SP100: variants seen among roughly 807,000 people sequenced by gnomAD.
The protein encoded by SP100 is nuclear autoantigen Sp-100.
In SP100, 84 loss-of-function variants were observed where a neutral mutation model predicts 130.0. The observed-to-expected ratio is 0.65, with a 90% CI of 0.54 to 0.77. The LOEUF is 0.77. SP100 is among the 30% of genes least tolerant of loss of function. SP100 has a pLI of 0.00. For synonymous variants in SP100, 331 were observed against 351.7 expected, an observed-to-expected ratio of 0.94 and a Z score of 0.66; for missense variants, 978 against 1,052.2, an observed-to-expected ratio of 0.93 and a Z score of 0.97.
intron 24 of SP100, among the ~76,000 whole-genome samples, chr2:230,531,690 T>G (rs1691712695): frequency 6.6e-6 from 1 of 152,220 alleles, no homozygotes; most frequent in African/African-American, 2.4e-5. Flanking sequence ...CTTCACATTC[T>G]ATCTGCAATT....
chr2:230,515,103 TAAG>T (rs775631581), intron 24 of SP100: 20 of 1,612,876 alleles, frequency 1.2e-5, no homozygotes, highest in Non-Finnish European at 1.6e-5. Flanking sequence ...AGGAGGAGCA[TAAG>T]AAGAAGAACC....
Position 230,462,453 on chromosome 2 carries a change from C to T in SP100, c.992C>T (p.Ser331Phe). 1 of 1,613,848 alleles carries T rather than the reference C, an allele frequency of 6.2e-7. No homozygotes were observed. The highest frequency in any genetic ancestry group is 8.5e-7 in the Non-Finnish European group (1 of 1,179,820). ...TGTGCAGTCATCAGCAGTGAGGACT[C>T]TGAAGGATCCACTGACGTTGATGAG... ...SDIIVISSED[S>F]EGSTDVDEPL... Residue 331 changes from serine (S) to phenylalanine (F), a missense_variant, in exon 10 of 29, where the codon TCT (serine) becomes TTT (phenylalanine). Ser to Phe is a radical substitution (Grantham distance 155). Coordinates refer to ENST00000340126, the MANE Select transcript of SP100 (RefSeq NM_001080391.2).
intron 14 of SP100, chr2:230,469,325 G>GATAAA (rs2065146114): frequency 1.9e-6 from 1 of 531,106 alleles, no homozygotes; most frequent in Non-Finnish European, 3.5e-6. Context: ...ACATAAATAG[G>GATAAA]ATAAAGTAGT....
At chr2:230,424,051 A>T (rs2062849159) in intron 2 of SP100, among the ~76,000 whole-genome samples, 1 of 152,048 alleles carries the variant, frequency 6.6e-6, no homozygotes, top group Admixed American at 6.6e-5. Context: ...CAACACTAGG[A>T]TGATTGGGGA....
chr2:230,534,106 C>A (rs1411275521), intron 24 of SP100, among the ~76,000 whole-genome samples: 1 of 152,150 alleles, frequency 6.6e-6, no homozygotes, highest in Non-Finnish European at 1.5e-5. Context: ...TGAGTCTACT[C>A]CCTAGAAAAG....
intron 2 of SP100, among the ~76,000 whole-genome samples, chr2:230,432,724 T>A (rs1186562786): frequency 6.6e-6 from 1 of 152,196 alleles, no homozygotes; most frequent in Non-Finnish European, 1.5e-5. Flanking sequence ...CAGAATTCTT[T>A]ACATATCTGA....
At position 230,462,448 on chromosome 2, in the gene SP100, G is replaced by A. The variant is rs2064707735; in HGVS notation, c.987G>A (p.Glu329=). The A allele has an allele frequency of 6.2e-7, 1 of 1,613,378 alleles. No homozygotes were observed. Among genetic ancestry groups the A allele is most frequent in the Non-Finnish European group, 8.5e-7 (1 of 1,179,418 alleles). ...TCCTTTGTGCAGTCATCAGCAGTGAGGACTCTGAAGGATCCACTGACGTTG... is the reference window on the plus strand; with the variant it reads ...TCCTTTGTGCAGTCATCAGCAGTGAAGACTCTGAAGGATCCACTGACGTTG... ...QASDIIVISS[E]DSEGSTDVDE... Residue 329 remains glutamate, a synonymous_variant, in exon 10 of 29, where the codon GAG becomes GAA. Coordinates refer to ENST00000340126, the MANE Select transcript of SP100 (RefSeq NM_001080391.2).
intron 24 of SP100, among the ~76,000 whole-genome samples, chr2:230,536,052 G>C (rs1235441164): frequency 1.3e-5 from 2 of 151,964 alleles, no homozygotes; most frequent in African/African-American, 4.8e-5. Context: ...TAGCCTACAT[G>C]GACAATGGTT....
chr2:230,527,401 G>A (rs181167980), intron 24 of SP100, among the ~76,000 whole-genome samples: 106 of 152,324 alleles, frequency 7.0e-4, no homozygotes, highest in Non-Finnish European at 1.2e-3. Flanking sequence ...CACCAGGCTA[G>A]CCTTACAAGA....
chr2:230,496,499 C>T (rs2066672796), intron 18 of SP100, among the ~76,000 whole-genome samples: 1 of 152,090 alleles, frequency 6.6e-6, no homozygotes, highest in African/African-American at 2.4e-5. Context: ...TGGACAGGAG[C>T]AGGAATGGTC....
chr2:230,459,484 A>G (rs1400479423), intron 8 of SP100, among the ~76,000 whole-genome samples: 2 of 152,270 alleles, frequency 1.3e-5, no homozygotes, highest in African/African-American at 4.8e-5. Context: ...ATTTCTAAAC[A>G]TACATCTCCA....
chr2:230,446,373 T>C (rs1291991588), intron 4 of SP100, among the ~76,000 whole-genome samples: 2 of 152,238 alleles, frequency 1.3e-5, no homozygotes, highest in Non-Finnish European at 2.9e-5. Context: ...CCTCCCAAAG[T>C]GCTGTGATTA....
chr2:230,541,983 G>T lies in SP100; in HGVS notation c.2495G>T (p.Gly832Val). ...LNEQMYTRVEGFVQDMRLIFH... is the reference protein window; with the variant it reads ...LNEQMYTRVEVFVQDMRLIFH... ...GAGCAGATGTACACCCGAGTAGAAGGGTTTGTGCAGGACATGCGTCTCATC... is the reference window on the plus strand; with the variant it reads ...GAGCAGATGTACACCCGAGTAGAAGTGTTTGTGCAGGACATGCGTCTCATC... Residue 832 changes from glycine (G) to valine (V), a missense_variant, in exon 28 of 29, where the codon GGG (glycine) becomes GTG (valine). Gly to Val is a moderately radical substitution (Grantham distance 109). Coordinates refer to ENST00000340126, the MANE Select transcript of SP100 (RefSeq NM_001080391.2). 6.2e-7 allele frequency: 1 copy of T among 1,614,084 alleles called. No homozygotes were observed. Among genetic ancestry groups the T allele is most frequent in the East Asian group, 2.2e-5 (1 of 44,882 alleles).
chr2:230,489,743 C>A (rs1432742135), intron 17 of SP100, among the ~76,000 whole-genome samples: 1 of 152,096 alleles, frequency 6.6e-6, no homozygotes, highest in South Asian at 2.1e-4. Context: ...CAAAGAACTT[C>A]TTGATTTCTG....
rs2063533013 is a variant in SP100, at chr2:230,443,071, G to A, written c.242G>A (p.Arg81His). 5.0e-6 allele frequency: 8 copies of A among 1,614,008 alleles called. No individual in the cohort carries two copies. The highest frequency in any genetic ancestry group is 1.1e-5 in the South Asian group (1 of 91,086). ...CCATTCCTCGAGGGCCTCCGTGATC[G>A]TGATCTCATCACAAATAAAATGTTT... ...TFPFLEGLRDRDLITNKMFED... is the reference protein window; with the variant it reads ...TFPFLEGLRDHDLITNKMFED... Residue 81 changes from arginine to histidine, a missense_variant, in exon 3 of 29, where the codon CGT becomes CAT. Arg to His is a conservative substitution (Grantham distance 29). Transcript: ENST00000340126.
intron 24 of SP100, among the ~76,000 whole-genome samples, chr2:230,536,941 G>A (rs1420485817): frequency 6.6e-6 from 1 of 152,172 alleles, no homozygotes; most frequent in Non-Finnish European, 1.5e-5. Context: ...TTGCACAACT[G>A]CAAGGAGCAC....
chr2:230,505,339 A>G (rs1690002872), intron 21 of SP100, among the ~76,000 whole-genome samples: 1 of 152,234 alleles, frequency 6.6e-6, no homozygotes, highest in African/African-American at 2.4e-5. Context: ...AAATGTACAC[A>G]TCTGAGAATC....
chr2:230,488,764 A>T (rs1323546598), intron 17 of SP100, among the ~76,000 whole-genome samples: 3 of 152,218 alleles, frequency 2.0e-5, no homozygotes, highest in Non-Finnish European at 4.4e-5. Flanking sequence ...CCTTTTCTGC[A>T]TCTATTGAGA....
chr2:230,529,868 G>T lies in SP100; in HGVS notation c.2095-9399G>T, dbSNP rs111668270. ...AATAAAATACCTAGGAATCCAACTT[G>T]CAAGGGATGTGAAGGACCTCTTCAA... On this transcript the variant is annotated intron_variant, in intron 24 of 28. Transcript: ENST00000340126. Among the ~76,000 whole-genome samples, 520 of 151,988 alleles carry T rather than the reference G, an allele frequency of 3.4e-3. 5 individuals carry two copies. Among genetic ancestry groups the T allele is most frequent in the African/African-American group, 0.012 (500 of 41,436 alleles).
Sources: allele counts gnomAD v4.1 joint callset (sites outside exome capture counted in the v4.1 genomes callset), GRCh38; gene constraint gnomAD v4.1.1; transcripts MANE v1.5; gene names NCBI Gene and HGNC (gene_info 2026-07-23, HGNC 2026-07-21).